The following SLC10A7 variants were observed in gnomAD, a reference collection of about 807,000 sequenced individuals.
SLC10A7 encodes solute carrier family 10 member 7.
A neutral mutation model predicts 43.2 loss-of-function variants in SLC10A7; 29 were observed. That is an observed-to-expected ratio of 0.67 (90% CI 0.50 to 0.92). SLC10A7 has a LOEUF of 0.92. Ranked by LOEUF, SLC10A7 falls within the 40% of genes least tolerant of loss-of-function variation. The pLI, the probability that SLC10A7 is intolerant of heterozygous loss-of-function variation, is 0.00. For missense variants in SLC10A7, 295 were observed against 403.2 expected, an observed-to-expected ratio of 0.73 and a Z score of 2.30; for synonymous variants, 152 against 144.8, an observed-to-expected ratio of 1.05 and a Z score of -0.35.
intron 5 of SLC10A7, among the ~76,000 whole-genome samples, chr4:146,404,767 G>C (rs1739465837): frequency 1.3e-5 from 2 of 152,174 alleles, no homozygotes; most frequent in Non-Finnish European, 2.9e-5. Flanking sequence ...ACCGCACCTG[G>C]CTTATGTGTT....
intron 5 of SLC10A7, among the ~76,000 whole-genome samples, chr4:146,425,875 T>C (rs1729312134): frequency 6.6e-6 from 1 of 152,194 alleles, no homozygotes; most frequent in South Asian, 2.1e-4. Context: ...AATAGCCTGA[T>C]AGAATCACAC....
chr4:146,512,925 A>C (rs1369183889), intron 2 of SLC10A7, among the ~76,000 whole-genome samples: 4 of 151,974 alleles, frequency 2.6e-5, no homozygotes, highest in African/African-American at 9.7e-5. Flanking sequence ...TTTGATGTAC[A>C]AAAAAAATGG....
At chr4:146,334,134 T>C (rs913326607) in intron 5 of SLC10A7, among the ~76,000 whole-genome samples, 2 of 152,044 alleles carry the variant, frequency 1.3e-5, no homozygotes, top group African/African-American at 4.8e-5. Flanking sequence ...GAACTGGGGA[T>C]GCACAGACTC....
rs187565686 is a variant in SLC10A7, at chr4:146,498,125, T to A, written c.396+5724A>T. On this transcript the variant is annotated intron_variant, in intron 4 of 11. Transcript: ENST00000335472. ...ACCAACTCTTATTACTTTTTTTTTT[T>A]TTTTTATTTTGAGACGGAGTCTCGC... Among the ~76,000 whole-genome samples, 147 of 152,070 alleles carry A rather than the reference T, an allele frequency of 9.7e-4. 2 individuals carry two copies. The South Asian group carries it at 0.014, about 15-fold the overall frequency.
chr4:146,289,623 C>T (rs1307375556), intron 9 of SLC10A7, among the ~76,000 whole-genome samples: 1 of 150,622 alleles, frequency 6.6e-6, no homozygotes, highest in South Asian at 2.1e-4. Flanking sequence ...TGAATCAACT[C>T]ATTTCCTAGC....
At chr4:146,265,487 C>T (rs928572245) in intron 10 of SLC10A7, among the ~76,000 whole-genome samples, 1 of 152,142 alleles carries the variant, frequency 6.6e-6, no homozygotes, top group Non-Finnish European at 1.5e-5. Context: ...CTATTGATTT[C>T]TTCATTTTTT....
intron 7 of SLC10A7, among the ~76,000 whole-genome samples, chr4:146,301,528 CAGTAAAGACATT>C (rs1476473284): frequency 6.6e-6 from 1 of 152,052 alleles, no homozygotes; most frequent in Non-Finnish European, 1.5e-5. Context: ...ACTCTGGAGG[CAGTAAAGACATT>C]AGATGGGAAT....
At chr4:146,333,693 C>T (rs1007409288) in intron 5 of SLC10A7, among the ~76,000 whole-genome samples, 1 of 151,960 alleles carries the variant, frequency 6.6e-6, no homozygotes, top group Non-Finnish European at 1.5e-5. Context: ...ATCAGAAAAG[C>T]CTAGTAATCC....
chr4:146,506,644 T>G (rs111644523), intron 3 of SLC10A7, among the ~76,000 whole-genome samples: 34 of 152,306 alleles, frequency 2.2e-4, no homozygotes, highest in African/African-American at 7.9e-4. Flanking sequence ...CTGCTTACCT[T>G]CTTACCTCTC....
chr4:146,454,272 T>C (rs1314837154), intron 4 of SLC10A7, among the ~76,000 whole-genome samples: 2 of 151,904 alleles, frequency 1.3e-5, no homozygotes, highest in Non-Finnish European at 2.9e-5. Flanking sequence ...TAATCAAACA[T>C]TTTGATTGCA....
At chr4:146,328,954 G>C (rs1174919553) in intron 5 of SLC10A7, among the ~76,000 whole-genome samples, 1 of 152,152 alleles carries the variant, frequency 6.6e-6, no homozygotes, top group Non-Finnish European at 1.5e-5. Flanking sequence ...TCTGGTAACA[G>C]ATCCAAAGGA....
At chr4:146,355,797 C>A (rs1298719105) in intron 5 of SLC10A7, among the ~76,000 whole-genome samples, 2 of 141,240 alleles carry the variant, frequency 1.4e-5, no homozygotes, top group Non-Finnish European at 3.0e-5. Context: ...GAACAAAAAA[C>A]CAAACACCGC....
At chr4:146,351,551 C>G (rs1735105425) in intron 5 of SLC10A7, among the ~76,000 whole-genome samples, 1 of 150,640 alleles carries the variant, frequency 6.6e-6, no homozygotes, top group Admixed American at 6.6e-5. Flanking sequence ...AAAGATACTC[C>G]TCGAGAAGAG....
At chr4:146,446,592 AT>A (rs1273614238) in intron 4 of SLC10A7, among the ~76,000 whole-genome samples, 188 of 141,122 alleles carry the variant, frequency 1.3e-3, no homozygotes, top group East Asian at 1.3e-3. Flanking sequence ...AAAAAAAAAA[AT>A]GAAAATAAAT....
chr4:146,446,641 A>G (rs1185521131), intron 4 of SLC10A7, among the ~76,000 whole-genome samples: 1 of 151,766 alleles, frequency 6.6e-6, no homozygotes, highest in Admixed American at 6.6e-5. Flanking sequence ...GTCATCTAAG[A>G]TAGGAATCTA....
Position 146,283,281 on chromosome 4 carries a change from G to T in SLC10A7, c.774-16C>A, listed in dbSNP as rs754514877. On this transcript the variant is annotated splice_polypyrimidine_tract_variant and intron_variant, in intron 9 of 11. Coordinates refer to ENST00000335472, the MANE Select transcript of SLC10A7 (RefSeq NM_001029998.6). ...CGAATTATTCCTAGGGGCAAAAAAAGATTTTGACAAATACTTTTATAAAAA... is the reference window on the plus strand; with the variant it reads ...CGAATTATTCCTAGGGGCAAAAAAATATTTTGACAAATACTTTTATAAAAA... 1.2e-6 allele frequency: 2 copies of T among 1,608,898 alleles called. No individual in the cohort carries two copies. The highest frequency in any genetic ancestry group is 1.3e-5 in the African/African-American group (1 of 74,820).
chr4:146,416,811 C>T (rs1405136212), intron 5 of SLC10A7, among the ~76,000 whole-genome samples: 1 of 152,134 alleles, frequency 6.6e-6, no homozygotes, highest in Non-Finnish European at 1.5e-5. Flanking sequence ...ATCTTCATTG[C>T]CTTTTCTGTT....
At chr4:146,349,579 A>G (rs1364949161) in intron 5 of SLC10A7, among the ~76,000 whole-genome samples, 1 of 152,222 alleles carries the variant, frequency 6.6e-6, no homozygotes, top group Non-Finnish European at 1.5e-5. Context: ...CTGCACCACT[A>G]TTCACAATAG....
chr4:146,441,084 C>T (rs1730560911), intron 5 of SLC10A7, among the ~76,000 whole-genome samples: 1 of 152,142 alleles, frequency 6.6e-6, no homozygotes, highest in South Asian at 2.1e-4. Flanking sequence ...TATTTCTCTG[C>T]ATTCTTCACT....
Sources: gnomAD v4.1 joint callset for allele counts (sites outside exome capture counted in the v4.1 genomes callset) on GRCh38, gnomAD v4.1.1 for gene constraint, MANE v1.5 for transcripts, NCBI Gene and HGNC (gene_info 2026-07-23, HGNC 2026-07-21) for gene names.